CLSTN2: variants seen among roughly 807,000 people sequenced by gnomAD.
CLSTN2 encodes the protein calsyntenin-2.
Under a neutral mutation model 101.2 loss-of-function variants are expected in CLSTN2, and 48 were observed. That is an observed-to-expected ratio of 0.47 (90% CI 0.38 to 0.60). The LOEUF (loss-of-function observed/expected upper bound fraction) is 0.60. CLSTN2 is among the 20% of genes least tolerant of loss of function. The probability of loss-of-function intolerance (pLI) is 0.00; values close to 1 mark genes in which losing one functional copy is unlikely to be tolerated. For synonymous variants in CLSTN2, 481 were observed against 463.6 expected (o/e 1.04, Z -0.48); for missense variants, 1,160 against 1,238.2 (o/e 0.94, Z 0.95).
intron 2 of CLSTN2, among the ~76,000 whole-genome samples, chr3:140,222,481 G>T (rs1217747878): frequency 2.6e-5 from 4 of 152,050 alleles, no homozygotes; most frequent in Non-Finnish European, 4.4e-5. Flanking sequence ...AAATATAATT[G>T]GATTGTTACA....
chr3:140,522,387 A>T (rs2107774289), intron 8 of CLSTN2, among the ~76,000 whole-genome samples: 1 of 152,336 alleles, frequency 6.6e-6, no homozygotes, highest in South Asian at 2.1e-4. Context: ...CTGAGGCCGT[A>T]TGGCCTCGCA....
intron 1 of CLSTN2, among the ~76,000 whole-genome samples, chr3:140,068,935 C>T (rs74860891): frequency 0.011 from 1,617 of 152,250 alleles, 38 homozygotes; most frequent in African/African-American, 0.036. Context: ...ATGACTTAAC[C>T]ACTCTGTGCT....
At chr3:140,476,654 CTTTTTT>C (rs564731249) in intron 8 of CLSTN2, among the ~76,000 whole-genome samples, 1 of 124,632 alleles carries the variant, frequency 8.0e-6, no homozygotes, top group Non-Finnish European at 1.6e-5. Context: ...GTTTTAGCAT[CTTTTTT>C]TTTTTTTTTT....
intron 2 of CLSTN2, among the ~76,000 whole-genome samples, chr3:140,282,132 T>TCTCTGCTTA (rs1290398055): frequency 1.3e-5 from 2 of 152,172 alleles, no homozygotes; most frequent in Non-Finnish European, 2.9e-5. Flanking sequence ...TTACACTATG[T>TCTCTGCTTA]CTCTGCTTAC....
intron 2 of CLSTN2, among the ~76,000 whole-genome samples, chr3:140,331,479 C>T (rs975151410): frequency 1.3e-5 from 2 of 152,166 alleles, no homozygotes; most frequent in African/African-American, 4.8e-5. Flanking sequence ...ACCATCACAC[C>T]AGGCCACACC....
rs1215256129 is a variant in CLSTN2 at position 140,567,137 on chromosome 3, C to T, written c.*884C>T. On this transcript the variant is annotated 3_prime_UTR_variant, in exon 17 of 17. Transcript: ENST00000458420. ...ACACAACACACAACAAGGACAGTCA[C>T]AACAAGCCTAGAGCCAGAAAGCAGA... The T allele has an allele frequency of 6.5e-6, 1 of 152,788 alleles. No homozygotes were observed. The highest frequency in any genetic ancestry group is 1.5e-5 in the Non-Finnish European group (1 of 68,482). The allele number at this position is 152,788 out of a possible 1,614,324, so 9.5% of individuals were successfully genotyped here. A position where few individuals can be genotyped will look rare whatever the true frequency, so the allele number is the denominator to read the frequency against.
intron 6 of CLSTN2, among the ~76,000 whole-genome samples, chr3:140,457,766 C>G (rs1476661663): frequency 6.6e-6 from 1 of 152,172 alleles, no homozygotes; most frequent in Non-Finnish European, 1.5e-5. Context: ...TAAATATTAA[C>G]TGAGTGCCTA....
At chr3:140,194,242 C>G (rs2010613036) in intron 2 of CLSTN2, among the ~76,000 whole-genome samples, 1 of 152,044 alleles carries the variant, frequency 6.6e-6, no homozygotes, top group Admixed American at 6.6e-5. Context: ...CTGGTGAGGG[C>G]TCATCTCCTG....
At position 140,566,154 on chromosome 3, in the gene CLSTN2, AGAGGAG is replaced by A. The variant is rs10573488; in HGVS notation, c.2781_2786del (p.Glu928_Glu929del). The stretch of plus-strand genomic sequence containing the variant: ...CCAGCAGTGGCTCTGACGACAGCGA[AGAGGAG>A]GAGGAGGAGGAAGGGATGGGCAGAG... On this transcript the variant is annotated inframe_deletion, in exon 17 of 17. Transcript: ENST00000458420. 1,619 of 1,611,108 alleles carry A rather than the reference AGAGGAG, an allele frequency of 1.0e-3. 15 individuals carry two copies. In the African/African-American group the frequency reaches 0.017, roughly 17 times the overall value.
intron 1 of CLSTN2, among the ~76,000 whole-genome samples, chr3:140,107,862 A>G (rs56821056): frequency 0.066 from 10,019 of 152,292 alleles, 1,043 homozygotes; most frequent in African/African-American, 0.22. Flanking sequence ...ACAAGACTGC[A>G]GAGACATAGG....
intron 1 of CLSTN2, among the ~76,000 whole-genome samples, chr3:140,023,315 C>A (rs1487329835): frequency 6.6e-6 from 1 of 152,142 alleles, no homozygotes; most frequent in African/African-American, 2.4e-5. Context: ...GCGCAAACCT[C>A]ACAAAAACAG....
Position 140,240,174 on chromosome 3 carries a change from C to CTATATATA in CLSTN2, c.232+64120_232+64127dup, listed in dbSNP as rs1226140178. ...TCTGTCTCTCTCTCTCTCTCTCTCT[C>CTATATATA]TATATATATATATATATATATATAT... On this transcript the variant is annotated intron_variant, in intron 2 of 16. Coordinates refer to ENST00000458420, the MANE Select transcript of CLSTN2 (RefSeq NM_022131.3). 2.9e-3 allele frequency among the ~76,000 whole-genome samples: 39 copies of CTATATATA among 13,308 alleles called. 1 individual carries two copies. The highest frequency in any genetic ancestry group is 0.029 in the East Asian group (2 of 70). 8.7% of individuals were successfully genotyped at this position (13,308 alleles called of 152,430 possible).
At chr3:140,171,615 T>A (rs1210573583) in intron 1 of CLSTN2, among the ~76,000 whole-genome samples, 1 of 132,892 alleles carries the variant, frequency 7.5e-6, no homozygotes, top group Non-Finnish European at 1.5e-5. Flanking sequence ...GTGCATTATA[T>A]ATTATATAAT....
At chr3:140,049,638 CAA>C (rs755656551) in intron 1 of CLSTN2, among the ~76,000 whole-genome samples, 1 of 152,098 alleles carries the variant, frequency 6.6e-6, no homozygotes, top group Non-Finnish European at 1.5e-5. Flanking sequence ...CTGTCTGGCT[CAA>C]AAGTTTCCTT....
chr3:140,105,081 T>C (rs1218880495), intron 1 of CLSTN2, among the ~76,000 whole-genome samples: 1 of 152,250 alleles, frequency 6.6e-6, no homozygotes, highest in Admixed American at 6.5e-5. Context: ...TTGTGATATT[T>C]CTAGCTTTTG....
intron 5 of CLSTN2, among the ~76,000 whole-genome samples, chr3:140,436,496 G>T (rs1314514337): frequency 1.3e-5 from 2 of 152,246 alleles, no homozygotes; most frequent in African/African-American, 4.8e-5. Context: ...TGAGGCAGTG[G>T]ACATAATAAC....
At position 140,444,721 on chromosome 3, in the gene CLSTN2, G is replaced by C. The variant is rs145350262; in HGVS notation, c.788-3798G>C. 2.7e-3 allele frequency among the ~76,000 whole-genome samples: 404 copies of C among 152,294 alleles called. 3 individuals carry two copies. The highest frequency in any genetic ancestry group is 9.2e-3 in the African/African-American group (384 of 41,542). ...TGCATGTAATCCCCCCAAAATCCGG[G>C]GTGGTAGATACAAACTCTACAGAAG... On this transcript the variant is annotated intron_variant, in intron 5 of 16. Coordinates refer to ENST00000458420, the MANE Select transcript of CLSTN2 (RefSeq NM_022131.3).
chr3:140,190,183 T>C (rs893380642), intron 2 of CLSTN2, among the ~76,000 whole-genome samples: 2 of 152,128 alleles, frequency 1.3e-5, no homozygotes, highest in Non-Finnish European at 2.9e-5. Context: ...TTTCAACATA[T>C]GTAATTGCTG....
At chr3:140,233,894 A>G (rs371997483) in intron 2 of CLSTN2, among the ~76,000 whole-genome samples, 1 of 152,260 alleles carries the variant, frequency 6.6e-6, no homozygotes, top group African/African-American at 2.4e-5. Flanking sequence ...ACCTGTTTTC[A>G]TAAAGTTTTA....
Sources: allele counts gnomAD v4.1 joint callset (sites outside exome capture counted in the v4.1 genomes callset), GRCh38; gene constraint gnomAD v4.1.1; transcripts MANE v1.5; gene names NCBI Gene and HGNC (gene_info 2026-07-23, HGNC 2026-07-21).